Variants in UBR3 observed in about 807,000 individuals in gnomAD.
UBR3 encodes E3 ubiquitin-protein ligase UBR3.
A neutral mutation model predicts 243.2 loss-of-function variants in UBR3; 85 were observed. The observed-to-expected ratio is 0.35, with a 90% CI of 0.29 to 0.42. The LOEUF (loss-of-function observed/expected upper bound fraction) is 0.42, where lower values mean the gene tolerates loss of function less well. Among genes scored for constraint, UBR3 ranks in the 10% least tolerant of loss-of-function variants. The pLI is 1.00. For missense variants in UBR3, 1,686 were observed against 2,300.8 expected (o/e 0.73, Z 5.47); for synonymous variants, 748 against 799.8 (o/e 0.94, Z 1.09).
chr2:169,959,209 C>G (rs1311157332), intron 24 of UBR3, among the ~76,000 whole-genome samples: 4 of 152,032 alleles, frequency 2.6e-5, no homozygotes, highest in Non-Finnish European at 5.9e-5. Context: ...CATTTTCATG[C>G]ATTTTTGTTT....
chr2:170,038,892 T>C (rs12233121), intron 31 of UBR3, among the ~76,000 whole-genome samples: 41,985 of 151,512 alleles, frequency 0.28, 5,987 homozygotes, highest in South Asian at 0.42. Context: ...GGGGTGGGAG[T>C]GTGCGTATAG....
Position 170,081,898 on chromosome 2 carries a change from A to C in UBR3, c.*55A>C. ...CATTTTCGCTACGAATTTATTTTTC[A>C]ACAATAAGCTTTAACTTAATTTGGG... On this transcript the variant is annotated 3_prime_UTR_variant, in exon 39 of 39. Coordinates refer to ENST00000272793, the MANE Select transcript of UBR3 (RefSeq NM_172070.4). The C allele has an allele frequency of 1.6e-6, 2 of 1,266,092 alleles. No homozygotes were observed. Among genetic ancestry groups the C allele is most frequent in the South Asian group, 3.4e-5 (2 of 58,830 alleles). 78.4% of individuals were successfully genotyped at this position (1,266,092 alleles called of 1,614,324 possible). A position where few individuals can be genotyped will look rare whatever the true frequency, so the allele number is the denominator to read the frequency against.
intron 1 of UBR3, among the ~76,000 whole-genome samples, chr2:169,868,144 A>T (rs1663034907): frequency 1.3e-5 from 2 of 152,114 alleles, no homozygotes; most frequent in South Asian, 4.1e-4. Context: ...ATCTATCCAC[A>T]TTCTTTTTCA....
chr2:169,912,223 G>A (rs74551586), intron 10 of UBR3, among the ~76,000 whole-genome samples: 6,627 of 149,420 alleles, frequency 0.044, 167 homozygotes, highest in Middle Eastern at 0.069. Flanking sequence ...ACTTAAAAAA[G>A]GAGATAAAAT....
At chr2:169,888,285 C>A (rs2084190587) in intron 5 of UBR3, among the ~76,000 whole-genome samples, 1 of 151,636 alleles carries the variant, frequency 6.6e-6, no homozygotes, top group African/African-American at 2.4e-5. Context: ...ATTATAGGTG[C>A]CTGCCACTAC....
chr2:169,860,933 G>T (rs979213828), intron 1 of UBR3, among the ~76,000 whole-genome samples: 7 of 152,160 alleles, frequency 4.6e-5, no homozygotes, highest in Non-Finnish European at 8.8e-5. Context: ...CCACAGGCCC[G>T]AGAGCCCCTG....
In UBR3 at chr2:169,947,477, A is replaced by G. The variant is rs1268293727; in HGVS notation, c.2911-65A>G. The G allele has an allele frequency of 3.2e-6, 4 of 1,250,506 alleles. No individual in the cohort carries two copies. The African/African-American group carries it at 6.2e-5, about 19-fold the overall frequency. The allele number at this position is 1,250,506 out of a possible 1,614,324, so 77.5% of individuals were successfully genotyped here. ...AGTGGATGATTTTGGGGGGCTTGTT[A>G]CATCTCCATTGTACCTTGGACGTGA... On this transcript the variant is annotated intron_variant, in intron 21 of 38. Transcript: ENST00000272793.
intron 33 of UBR3, among the ~76,000 whole-genome samples, chr2:170,060,019 G>A (rs1039656293): frequency 1.3e-5 from 2 of 152,098 alleles, no homozygotes; most frequent in African/African-American, 4.8e-5. Flanking sequence ...GAAACAATGA[G>A]GAACTATAGA....
intron 29 of UBR3, among the ~76,000 whole-genome samples, chr2:170,013,049 G>T (rs539813815): frequency 4.0e-4 from 61 of 151,914 alleles, no homozygotes; most frequent in Admixed American, 1.8e-3. Context: ...AAACTAATTT[G>T]AATGTATTTG....
At chr2:169,960,385 AAAAACTG>A (rs1453885046) in intron 24 of UBR3, among the ~76,000 whole-genome samples, 4 of 151,648 alleles carry the variant, frequency 2.6e-5, no homozygotes, top group African/African-American at 7.3e-5. Context: ...GAAATCTGAA[AAAAACTG>A]AAATCTGAAA....
chr2:169,933,916 G>C (rs142358469), intron 19 of UBR3, among the ~76,000 whole-genome samples: 2 of 151,668 alleles, frequency 1.3e-5, no homozygotes, highest in African/African-American at 4.8e-5. Flanking sequence ...ACCCAGTTCA[G>C]CCATCGGCAT....
intron 5 of UBR3, 21 bp downstream of exon 5, chr2:169,878,595 CTT>C (rs2083705632): frequency 6.5e-7 from 1 of 1,545,074 alleles, no homozygotes. Context: ...AAGTTCAAAA[CTT>C]TTTAAAAAGT....
intron 33 of UBR3, among the ~76,000 whole-genome samples, chr2:170,060,538 T>C (rs887112026): frequency 6.6e-6 from 1 of 152,202 alleles, no homozygotes; most frequent in Non-Finnish European, 1.5e-5. Context: ...TATATGCATA[T>C]ATTATACCAC....
chr2:170,043,881 G>A (rs771535938), intron 32 of UBR3, among the ~76,000 whole-genome samples: 3 of 152,034 alleles, frequency 2.0e-5, no homozygotes, highest in Non-Finnish European at 4.4e-5. Flanking sequence ...TACTGCTGTC[G>A]AACACATTGT....
At chr2:170,038,161 A>T (rs533257365) in intron 31 of UBR3, among the ~76,000 whole-genome samples, 2 of 152,170 alleles carry the variant, frequency 1.3e-5, no homozygotes, top group Non-Finnish European at 2.9e-5. Flanking sequence ...AAAGCTCTGC[A>T]ATTTGTTGGT....
At chr2:169,898,771 A>G (rs1574152236) in intron 8 of UBR3, among the ~76,000 whole-genome samples, 1 of 138,060 alleles carries the variant, frequency 7.2e-6, no homozygotes, top group Admixed American at 8.4e-5. Flanking sequence ...GCGCGATCTC[A>G]GCTCACTGCA....
At position 170,079,987 on chromosome 2, in the gene UBR3, T is replaced by C. The variant is rs2105462475; in HGVS notation, c.5373T>C (p.Leu1791=). ...GTACTTTTGTATGCCTGAAAGGACTTTGCTGCAAGCAACAAAGTTACTGTG... is the reference window on the plus strand; with the variant it reads ...GTACTTTTGTATGCCTGAAAGGACTCTGCTGCAAGCAACAAAGTTACTGTG... ...VCGTFVCLKG[L]CCKQQSYCEC... The change falls in exon 37 of 39, where the codon CTT becomes CTC. Residue 1791 remains leucine, a synonymous_variant. Coordinates refer to ENST00000272793, the MANE Select transcript of UBR3 (RefSeq NM_172070.4). 1 of 1,613,964 alleles carries C rather than the reference T, an allele frequency of 6.2e-7. No homozygotes were observed. Among genetic ancestry groups the C allele is most frequent in the East Asian group, 2.2e-5 (1 of 44,844 alleles).
Position 170,082,244 on chromosome 2 carries a change from A to G in UBR3, c.*401A>G, listed in dbSNP as rs114681312. On this transcript the variant is annotated 3_prime_UTR_variant, in exon 39 of 39. Coordinates refer to ENST00000272793, the MANE Select transcript of UBR3 (RefSeq NM_172070.4). ...GTGTTTTAATTTGCATCTGCCAAGC[A>G]TAATGCATCTTTTTTCCTCTGCCAT... 887 of 156,000 alleles carry G rather than the reference A, an allele frequency of 5.7e-3. 7 individuals carry two copies. Among genetic ancestry groups the G allele is most frequent in the African/African-American group, 0.02 (837 of 41,742 alleles). 9.7% of individuals were successfully genotyped at this position (156,000 alleles called of 1,614,324 possible).
chr2:169,887,923 T>G (rs2084169193), intron 5 of UBR3, among the ~76,000 whole-genome samples: 1 of 148,102 alleles, frequency 6.8e-6, no homozygotes, highest in South Asian at 2.2e-4. Flanking sequence ...ATCACAGGCA[T>G]GTGCCACCAT....
Sources: gnomAD v4.1 joint callset for allele counts (sites outside exome capture counted in the v4.1 genomes callset) on GRCh38, gnomAD v4.1.1 for gene constraint, MANE v1.5 for transcripts, NCBI Gene and HGNC (gene_info 2026-07-23, HGNC 2026-07-21) for gene names.